CNOT4: variants seen among roughly 807,000 people sequenced by gnomAD.
CNOT4 encodes the protein CCR4-NOT transcription complex subunit 4.
Under a neutral mutation model 73.8 loss-of-function variants are expected in CNOT4, and 8 were observed. That is an observed-to-expected ratio of 0.11 (90% CI 0.06 to 0.20). The LOEUF is 0.20. Among genes scored for constraint, CNOT4 ranks in the 10% least tolerant of loss-of-function variants. The pLI is 1.00. For synonymous variants in CNOT4, 293 were observed against 321.1 expected (o/e 0.91, Z 0.94); for missense variants, 564 against 883.4 (o/e 0.64, Z 4.58).
At chr7:135,477,288 A>G in intron 1 of CNOT4, among the ~76,000 whole-genome samples, 1 of 151,920 alleles carries the variant, frequency 6.6e-6, no homozygotes, top group Non-Finnish European at 1.5e-5. Context: ...GGTTGCAGTG[A>G]GCTGGGATTG....
At chr7:135,454,261 C>T (rs1157693605) in intron 1 of CNOT4, among the ~76,000 whole-genome samples, 1 of 151,890 alleles carries the variant, frequency 6.6e-6, no homozygotes, top group Non-Finnish European at 1.5e-5. Context: ...CTCTGGTCCA[C>T]ACACAACTAG....
At chr7:135,429,117 T>G (rs1322325875) in intron 2 of CNOT4, among the ~76,000 whole-genome samples, 1 of 152,200 alleles carries the variant, frequency 6.6e-6, no homozygotes, top group African/African-American at 2.4e-5. Context: ...TGTCAGTTTC[T>G]CCTGGTGTTT....
chr7:135,372,863 G>C (rs1215635218), intron 10 of CNOT4, among the ~76,000 whole-genome samples: 1 of 152,070 alleles, frequency 6.6e-6, no homozygotes, highest in African/African-American at 2.4e-5. Context: ...CCTGCTTCCA[G>C]ATTTTTTAAG....
chr7:135,432,068 A>G (rs1057331597), intron 2 of CNOT4, among the ~76,000 whole-genome samples: 18 of 152,238 alleles, frequency 1.2e-4, no homozygotes, highest in Admixed American at 5.9e-4. Flanking sequence ...TCTAAAAAGA[A>G]TAACAAAGTT....
intron 10 of CNOT4, chr7:135,387,459 C>T (rs968633102): frequency 1.2e-5 from 12 of 982,732 alleles, no homozygotes; most frequent in Non-Finnish European, 1.4e-5. Context: ...CCAACTCCAA[C>T]ATGACATTAA....
intron 1 of CNOT4, among the ~76,000 whole-genome samples, chr7:135,471,689 A>G (rs1801586586): frequency 6.6e-6 from 1 of 152,170 alleles, no homozygotes; most frequent in Non-Finnish European, 1.5e-5. Flanking sequence ...CTATTGACCC[A>G]TACACTCTTC....
intron 1 of CNOT4, among the ~76,000 whole-genome samples, chr7:135,482,811 TC>T (rs1802469634): frequency 6.6e-6 from 1 of 151,574 alleles, no homozygotes; most frequent in South Asian, 2.1e-4. Context: ...TGAAACCCTG[TC>T]TCTAATTTTG....
intron 2 of CNOT4, among the ~76,000 whole-genome samples, chr7:135,428,098 G>A (rs967351578): frequency 6.6e-6 from 1 of 152,080 alleles, no homozygotes; most frequent in Non-Finnish European, 1.5e-5. Flanking sequence ...AAGTAGGTAG[G>A]GGAAAACCAT....
chr7:135,487,381 ACAC>A (rs1002335068), intron 1 of CNOT4, among the ~76,000 whole-genome samples: 5 of 151,834 alleles, frequency 3.3e-5, no homozygotes, highest in African/African-American at 1.2e-4. Flanking sequence ...GTGGTGGTAT[ACAC>A]CACCACACCC....
In CNOT4 at chr7:135,395,883, T is replaced by C. The variant is rs777708358; in HGVS notation, c.880A>G (p.Ile294Val). 2 of 1,599,024 alleles carry C rather than the reference T, an allele frequency of 1.3e-6. No homozygotes were observed. The highest frequency in any genetic ancestry group is 1.7e-6 in the Non-Finnish European group (2 of 1,167,626). ...GGTGAAGGCGTATCACTGTTAGATATCTGAATAAAAAAGGAAAACAAATAA... is the reference window on the plus strand; with the variant it reads ...GGTGAAGGCGTATCACTGTTAGATACCTGAATAAAAAAGGAAAACAAATAA... ...SIGNGDNSQQ[I>V]SNSDTPSPPP... is the part of the protein sequence containing the mutation. Residue 294 changes from isoleucine to valine, a missense_variant and splice_region_variant, in exon 9 of 12, where the codon ATA becomes GTA. Around this residue, in one of 10 missense-constraint regions of CNOT4, gnomAD observed 135 missense variants for 154.0 expected, o/e 0.88. Transcript: ENST00000541284.
At chr7:135,430,656 C>A (rs1466613450) in intron 2 of CNOT4, among the ~76,000 whole-genome samples, 3 of 151,614 alleles carry the variant, frequency 2.0e-5, no homozygotes, top group South Asian at 2.1e-4. Context: ...TTAAAAAAAA[C>A]CAAAAAACAT....
At chr7:135,482,288 G>A (rs1250845617) in intron 1 of CNOT4, among the ~76,000 whole-genome samples, 3 of 152,170 alleles carry the variant, frequency 2.0e-5, no homozygotes, top group African/African-American at 7.2e-5. Flanking sequence ...GAGTGTGGTG[G>A]CTCATGCCTG....
At chr7:135,455,110 GA>G (rs1800440624) in intron 1 of CNOT4, among the ~76,000 whole-genome samples, 1 of 151,710 alleles carries the variant, frequency 6.6e-6, no homozygotes, top group Non-Finnish European at 1.5e-5. Context: ...GACAGGACAG[GA>G]AGAGAAAGAA....
At chr7:135,431,805 C>CA (rs56091221) in intron 2 of CNOT4, among the ~76,000 whole-genome samples, 152,192 of 152,194 alleles carry the variant, frequency 1, 76,095 homozygotes, top group Non-Finnish European at 1. Flanking sequence ...GATAATATAA[C>CA]AAACATGCTG....
Position 135,363,017 on chromosome 7 carries a change from A to G in CNOT4, c.2010T>C (p.Ser670=). The G allele has an allele frequency of 6.2e-7, 1 of 1,612,498 alleles. No individual in the cohort carries two copies. Among genetic ancestry groups the G allele is most frequent in the Non-Finnish European group, 8.5e-7 (1 of 1,179,640 alleles). Residue 670 remains serine, a synonymous_variant, in exon 12 of 12, where the codon AGT becomes AGC. Coordinates refer to ENST00000541284, the MANE Select transcript of CNOT4 (RefSeq NM_001190850.2). This position sits in a 1 kb window ranked among gnomAD's most constrained non-coding sequence, Gnocchi z 4.3. The part of the protein sequence containing the change: ...FSTQIPLHRA[S]WNPYPPPSNP... The stretch of plus-strand genomic sequence containing the variant: ...TTGAAGGAGGAGGGTAGGGATTCCA[A>G]CTGGCTCTGTGCAGCGGGATCTGTG...
chr7:135,446,677 T>A (rs1326801536), intron 1 of CNOT4, among the ~76,000 whole-genome samples: 1 of 151,804 alleles, frequency 6.6e-6, no homozygotes. Context: ...TACACTGTAA[T>A]TATACATAAT....
At chr7:135,478,712 A>G (rs1802158140) in intron 1 of CNOT4, among the ~76,000 whole-genome samples, 1 of 152,148 alleles carries the variant, frequency 6.6e-6, no homozygotes, top group African/African-American at 2.4e-5. Context: ...GAATCAATCA[A>G]TTAATCAATA....
chr7:135,432,700 A>C (rs1420698673), intron 2 of CNOT4, among the ~76,000 whole-genome samples: 1 of 152,132 alleles, frequency 6.6e-6, no homozygotes, highest in Non-Finnish European at 1.5e-5. Flanking sequence ...GGTGGGGCAC[A>C]TCCTCCAATA....
chr7:135,473,495 C>A (rs1227610954), intron 1 of CNOT4, among the ~76,000 whole-genome samples: 1 of 152,116 alleles, frequency 6.6e-6, no homozygotes, highest in African/African-American at 2.4e-5. Context: ...CACCTGTAAC[C>A]CCAACATTTT....
Sources: gnomAD v4.1 joint callset for allele counts (sites outside exome capture counted in the v4.1 genomes callset) on GRCh38, gnomAD v4.1.1 for gene constraint, gnomAD v4.1.1 regional missense constraint, Gnocchi (gnomAD v3.1) non-coding constraint, MANE v1.5 for transcripts, NCBI Gene and HGNC (gene_info 2026-07-23, HGNC 2026-07-21) for gene names.